The following SMPD3 variants were observed in gnomAD, a reference collection of about 807,000 sequenced individuals.
SMPD3 encodes sphingomyelin phosphodiesterase 3.
SMPD3 carries 21 observed loss-of-function variants against 55.7 expected under a neutral mutation model. The ratio of observed to expected loss-of-function variants is 0.38; its 90% CI spans 0.27 to 0.54. SMPD3 has a LOEUF of 0.54. Among genes scored for constraint, SMPD3 ranks in the 20% least tolerant of loss-of-function variants. The pLI, the probability that SMPD3 is intolerant of heterozygous loss-of-function variation, is 0.80. For synonymous variants in SMPD3, 457 were observed against 404.3 expected, an observed-to-expected ratio of 1.13 and a Z score of -1.56; for missense variants, 842 against 899.6, an observed-to-expected ratio of 0.94 and a Z score of 0.82.
intron 1 of SMPD3, among the ~76,000 whole-genome samples, chr16:68,445,529 C>A (rs908228020): frequency 5.3e-5 from 8 of 152,150 alleles, no homozygotes; most frequent in Non-Finnish European, 1.2e-4. Context: ...TAGGAGGGAG[C>A]CCCCCAATAG....
intron 6 of SMPD3, 83 bp from the exon 7 acceptor site, chr16:68,363,642 G>T: frequency 6.8e-7 from 1 of 1,463,456 alleles, no homozygotes; most frequent in Non-Finnish European, 9.4e-7. Flanking sequence ...GGGTGGACAC[G>T]GGCTTCTGCT....
In SMPD3 at chr16:68,372,358, G is replaced by A. The variant is rs1419271970; in HGVS notation, c.-177C>T. The stretch of plus-strand genomic sequence containing the variant: ...TGGCCAGCCGGTCATGGTTCACCTC[G>A]GTGGGCCATGCGGAGGCCTACTGCA... On this transcript the variant is annotated 5_prime_UTR_variant, in exon 3 of 9. It introduces an in-frame stop codon into an upstream open reading frame of the 5' UTR. Coordinates refer to ENST00000219334, the MANE Select transcript of SMPD3 (RefSeq NM_018667.4). The A allele has an allele frequency of 1.2e-5, 10 of 808,514 alleles. No homozygotes were observed. The highest frequency in any genetic ancestry group is 6.9e-5 in the African/African-American group (4 of 58,078). 50.1% of individuals were successfully genotyped at this position (808,514 alleles called of 1,614,324 possible). A position where few individuals can be genotyped will look rare whatever the true frequency, so the allele number is the denominator to read the frequency against.
Position 68,361,148 on chromosome 16 carries a change from G to A in SMPD3, c.*58C>T. The A allele has an allele frequency of 1.3e-6, 2 of 1,508,806 alleles. No individual in the cohort carries two copies. Among genetic ancestry groups the A allele is most frequent in the Admixed American group, 1.7e-5 (1 of 57,392 alleles). The allele number at this position is 1,508,806 out of a possible 1,614,324, so 93.5% of individuals were successfully genotyped here. ...ACCGGGCACTCGATGGAGGGGACAT[G>A]GCCCAGGGATGGGCTGCAGCTGCAA... On this transcript the variant is annotated 3_prime_UTR_variant, in exon 9 of 9. Coordinates refer to ENST00000219334, the MANE Select transcript of SMPD3 (RefSeq NM_018667.4).
chr16:68,395,964 C>T (rs890751764), intron 1 of SMPD3, among the ~76,000 whole-genome samples: 3 of 152,188 alleles, frequency 2.0e-5, no homozygotes, highest in Admixed American at 6.5e-5. Flanking sequence ...CCCAGGGGTG[C>T]CTCAACTCAG....
At position 68,432,920 on chromosome 16, in the gene SMPD3, C is replaced by G. The variant is rs78767568; in HGVS notation, c.-269+15433G>C. Among the ~76,000 whole-genome samples the G allele has an allele frequency of 1.7e-3, 255 of 152,300 alleles. 1 individual carries two copies. Among genetic ancestry groups the G allele is most frequent in the African/African-American group, 5.8e-3 (242 of 41,572 alleles). Reference sequence around the variant, plus strand: ...CCAGGCTCAAGTGATCCTCTCACCTCAGCCTCCAGAGCAGCTGGGACTACA... The same window carrying G: ...CCAGGCTCAAGTGATCCTCTCACCTGAGCCTCCAGAGCAGCTGGGACTACA... On this transcript the variant is annotated intron_variant, in intron 1 of 8. Coordinates refer to ENST00000219334, the MANE Select transcript of SMPD3 (RefSeq NM_018667.4).
In SMPD3 at chr16:68,361,070, T is replaced by C; in HGVS notation, c.*136A>G. On this transcript the variant is annotated 3_prime_UTR_variant, in exon 9 of 9. Coordinates refer to ENST00000219334, the MANE Select transcript of SMPD3 (RefSeq NM_018667.4). ...GGCGCAGAGCAGCGCAGCTTCCAGG[T>C]TCCCGGGCACTGACTGTGGCTCCCT... is the stretch of plus-strand genomic sequence containing the variant. 1.3e-6 allele frequency: 1 copy of C among 768,850 alleles called. No individual in the cohort carries two copies. Among genetic ancestry groups the C allele is most frequent in the Non-Finnish European group, 2.1e-6 (1 of 483,950 alleles). The allele number at this position is 768,850 out of a possible 1,614,324, so 47.6% of individuals were successfully genotyped here.
chr16:68,374,436 T>C (rs1454758636), intron 2 of SMPD3, among the ~76,000 whole-genome samples: 1 of 152,178 alleles, frequency 6.6e-6, no homozygotes, highest in Admixed American at 6.5e-5. Flanking sequence ...GAGCAGCATG[T>C]GTATCTGTGC....
In SMPD3 at chr16:68,358,604, T is replaced by C. The variant is rs2088990594; in HGVS notation, c.*2602A>G. On this transcript the variant is annotated 3_prime_UTR_variant, in exon 9 of 9. Coordinates refer to ENST00000219334, the MANE Select transcript of SMPD3 (RefSeq NM_018667.4). Reference sequence around the variant, plus strand: ...ACAGTATTTCTAAATCTCAGCAAGTTAAAAAGCAATAGTTAAAAAGCATCA... The same window carrying C: ...ACAGTATTTCTAAATCTCAGCAAGTCAAAAAGCAATAGTTAAAAAGCATCA... 2 of 152,672 alleles carry C rather than the reference T, an allele frequency of 1.3e-5. No individual in the cohort carries two copies. Among genetic ancestry groups the C allele is most frequent in the African/African-American group, 4.8e-5 (2 of 41,450 alleles). 9.5% of individuals were successfully genotyped at this position (152,672 alleles called of 1,614,324 possible). A position where few individuals can be genotyped will look rare whatever the true frequency, so the allele number is the denominator to read the frequency against.
chr16:68,378,842 T>C (rs1199813924), intron 2 of SMPD3, among the ~76,000 whole-genome samples: 2 of 151,746 alleles, frequency 1.3e-5, no homozygotes, highest in African/African-American at 2.4e-5. Context: ...GTTAGGAACC[T>C]GAAGCTTCTG....
At chr16:68,415,659 A>T (rs1019458272) in intron 1 of SMPD3, among the ~76,000 whole-genome samples, 1 of 152,202 alleles carries the variant, frequency 6.6e-6, no homozygotes, top group African/African-American at 2.4e-5. Flanking sequence ...TATAGCAAAA[A>T]TATATATAGC....
In SMPD3 at chr16:68,361,634, G is replaced by A. The variant is rs769398609; in HGVS notation, c.1835C>T (p.Ala612Val). 10 of 1,610,602 alleles carry A rather than the reference G, an allele frequency of 6.2e-6. No individual in the cohort carries two copies. Among genetic ancestry groups the A allele is most frequent in the Non-Finnish European group, 8.5e-6 (10 of 1,179,978 alleles). ...NGRRIDYMLH[A>V]EEGLCPDWKA... The stretch of plus-strand genomic sequence containing the variant: ...CCAGTCTGGGCACAGCCCCTCCTCT[G>A]CATGCAGCATGTAGTCGATGCGCCG... The change falls in exon 8 of 9, where the codon GCA (alanine) becomes GTA (valine). Residue 612 changes from alanine to valine, a missense_variant. Ala to Val is a moderately conservative substitution (Grantham distance 64). Around this residue, in one of 2 missense-constraint regions of SMPD3, gnomAD observed 649 missense variants for 643.6 expected, o/e 1.01. Transcript: ENST00000219334.
rs1453566303 is a variant in SMPD3 at position 68,358,649 on chromosome 16, T to A, written c.*2557A>T. 6.6e-6 allele frequency: 1 copy of A among 152,610 alleles called. No individual in the cohort carries two copies. Among genetic ancestry groups the A allele is most frequent in the Non-Finnish European group, 1.5e-5 (1 of 68,030 alleles). 9.5% of individuals were successfully genotyped at this position (152,610 alleles called of 1,614,324 possible). ...GCATCAAGATTAATATACTTAAAACTTAAGGTGGTTTTGGACAAATGAAAA... is the reference window on the plus strand; with the variant it reads ...GCATCAAGATTAATATACTTAAAACATAAGGTGGTTTTGGACAAATGAAAA... On this transcript the variant is annotated 3_prime_UTR_variant, in exon 9 of 9. Transcript: ENST00000219334.
intron 1 of SMPD3, among the ~76,000 whole-genome samples, chr16:68,403,729 GATTGTTTGCACA>G (rs2152013449): frequency 6.6e-6 from 1 of 152,344 alleles, no homozygotes; most frequent in African/African-American, 2.4e-5. Flanking sequence ...GCTGAGGTTT[GATTGTTTGCACA>G]ATAATTTTAC....
chr16:68,373,158 G>C (rs2089718700), intron 2 of SMPD3, among the ~76,000 whole-genome samples: 1 of 152,240 alleles, frequency 6.6e-6, no homozygotes, highest in South Asian at 2.1e-4. Flanking sequence ...CTGGGGCTGT[G>C]TGGGTCTGGC....
At position 68,371,108 on chromosome 16, in the gene SMPD3, G is replaced by A; in HGVS notation, c.1074C>T (p.Asp358=). Residue 358 remains aspartate (D), a synonymous_variant, in exon 3 of 9, where the codon GAC becomes GAT. Transcript: ENST00000219334. ...EVSAFFPANL[D]FLCLQEVFDK... ...CAAACACCTCCTGCAGGCACAGGAA[G>A]TCCAGGTTGGCGGGGAAGAAGGCGG... 6.2e-7 allele frequency: 1 copy of A among 1,614,148 alleles called. No homozygotes were observed. Among genetic ancestry groups the A allele is most frequent in the South Asian group, 1.1e-5 (1 of 91,088 alleles).
At chr16:68,387,998 A>T (rs2090075516) in intron 1 of SMPD3, among the ~76,000 whole-genome samples, 2 of 152,190 alleles carry the variant, frequency 1.3e-5, no homozygotes, top group African/African-American at 4.8e-5. Context: ...GGTCTAGGCC[A>T]TCGGTCTTGG....
At chr16:68,446,692 G>A (rs2090612710) in intron 1 of SMPD3, among the ~76,000 whole-genome samples, 1 of 152,136 alleles carries the variant, frequency 6.6e-6, no homozygotes, top group African/African-American at 2.4e-5. Flanking sequence ...GACCTAACAT[G>A]GCTGATGGGG....
At position 68,359,069 on chromosome 16, in the gene SMPD3, C is replaced by G. The variant is rs934900438; in HGVS notation, c.*2137G>C. ...TGTGAGGTGGGAGGGGAGGAGCATG[C>G]AGCCCTGACTCCCACGCCTGCTGCC... is the stretch of plus-strand genomic sequence containing the variant. On this transcript the variant is annotated 3_prime_UTR_variant, in exon 9 of 9. Coordinates refer to ENST00000219334, the MANE Select transcript of SMPD3 (RefSeq NM_018667.4). The G allele has an allele frequency of 6.6e-6, 1 of 152,642 alleles. No homozygotes were observed. Among genetic ancestry groups the G allele is most frequent in the Non-Finnish European group, 1.5e-5 (1 of 68,098 alleles). The allele number at this position is 152,642 out of a possible 1,614,324, so 9.5% of individuals were successfully genotyped here. A position where few individuals can be genotyped will look rare whatever the true frequency, so the allele number is the denominator to read the frequency against.
Position 68,373,918 on chromosome 16 carries a change from AC to A in SMPD3, c.-206-1532del, listed in dbSNP as rs1444519700. Among the ~76,000 whole-genome samples, 39 of 151,888 alleles carry A rather than the reference AC, an allele frequency of 2.6e-4. No individual in the cohort carries two copies. The Middle Eastern group carries it at 0.024, about 93-fold the overall frequency. On this transcript the variant is annotated intron_variant, in intron 2 of 8. Coordinates refer to ENST00000219334, the MANE Select transcript of SMPD3 (RefSeq NM_018667.4). ...CCATCCTCTGCCCCTCGCCTCGCTC[AC>A]CCTTTCTAAGACTCAACTTAGAAAT...
Sources: allele counts gnomAD v4.1 joint callset (sites outside exome capture counted in the v4.1 genomes callset), GRCh38; gene constraint gnomAD v4.1.1; regional missense constraint gnomAD v4.1.1; transcripts MANE v1.5; gene names NCBI Gene and HGNC (gene_info 2026-07-23, HGNC 2026-07-21).